Variants in PRMT3 observed in about 807,000 individuals in gnomAD.
PRMT3 encodes protein arginine N-methyltransferase 3.
Under a neutral mutation model 71.9 loss-of-function variants are expected in PRMT3, and 62 were observed. The observed-to-expected ratio is 0.86, with a 90% confidence interval of 0.70 to 1.07. The LOEUF (loss-of-function observed/expected upper bound fraction) is 1.07, where lower values mean the gene tolerates loss of function less well. Ranked by LOEUF, PRMT3 falls within the 50% of genes least tolerant of loss-of-function variation. The pLI, the probability that PRMT3 is intolerant of heterozygous loss-of-function variation, is 0.00. For missense variants in PRMT3, 663 were observed against 643.0 expected, an observed-to-expected ratio of 1.03 and a Z score of -0.34; for synonymous variants, 213 against 220.4, an observed-to-expected ratio of 0.97 and a Z score of 0.30.
At chr11:20,460,593 G>T (rs1052248094) in intron 11 of PRMT3, among the ~76,000 whole-genome samples, 1 of 151,896 alleles carries the variant, frequency 6.6e-6, no homozygotes, top group Admixed American at 6.6e-5. Context: ...TATGCCTATG[G>T]TCTCCAAATT....
At chr11:20,415,094 C>A (rs192054519) in intron 9 of PRMT3, among the ~76,000 whole-genome samples, 4 of 150,030 alleles carry the variant, frequency 2.7e-5, no homozygotes, top group Admixed American at 2.0e-4. Flanking sequence ...AGCAAAAATT[C>A]TTGACATAAG....
Position 20,389,744 on chromosome 11 carries a change from G to C in PRMT3, c.165G>C (p.Arg55Ser). The C allele has an allele frequency of 6.2e-7, 1 of 1,603,880 alleles. No homozygotes were observed. Among genetic ancestry groups the C allele is most frequent in the South Asian group, 1.1e-5 (1 of 90,572 alleles). The change falls in exon 3 of 16, where the codon AGG (arginine) becomes AGC (serine). Residue 55 changes from arginine to serine, a missense_variant and splice_region_variant. Transcript: ENST00000331079. ...ATGAAGCTATTGCTTGATTTTTCAG[G>C]TTATTCACATCTGCTGAAGAAACAT... ...KQQTPCLFCN[R>S]LFTSAEETFS...
intron 13 of PRMT3, among the ~76,000 whole-genome samples, chr11:20,481,447 T>TAC (rs1850930338): frequency 6.6e-6 from 1 of 152,100 alleles, no homozygotes. Context: ...TAAAAGTGTG[T>TAC]ATTTTTAATA....
At chr11:20,396,689 C>G (rs753559896) in intron 6 of PRMT3, among the ~76,000 whole-genome samples, 1 of 152,036 alleles carries the variant, frequency 6.6e-6, no homozygotes, top group Non-Finnish European at 1.5e-5. Context: ...AGTATGAACC[C>G]AGAAAACCAG....
intron 15 of PRMT3, among the ~76,000 whole-genome samples, chr11:20,502,671 C>G (rs1350729011): frequency 2.6e-5 from 4 of 152,132 alleles, no homozygotes; most frequent in Non-Finnish European, 5.9e-5. Flanking sequence ...TTTATAAGCA[C>G]TATGGAACAT....
chr11:20,492,872 C>T (rs1851240800), intron 13 of PRMT3, among the ~76,000 whole-genome samples: 1 of 152,220 alleles, frequency 6.6e-6, no homozygotes, highest in African/African-American at 2.4e-5. Context: ...GCCTGACCAA[C>T]ATGGTGAAAC....
intron 5 of PRMT3, among the ~76,000 whole-genome samples, chr11:20,395,535 T>C (rs1053413943): frequency 2.0e-5 from 3 of 151,156 alleles, no homozygotes; most frequent in African/African-American, 7.3e-5. Flanking sequence ...TTTTTTTTAG[T>C]AGAGATAAGG....
intron 13 of PRMT3, among the ~76,000 whole-genome samples, chr11:20,469,080 A>T (rs1850582891): frequency 6.6e-6 from 1 of 152,178 alleles, no homozygotes; most frequent in African/African-American, 2.4e-5. Flanking sequence ...AGCATTTCTT[A>T]CTTTAGGATA....
intron 9 of PRMT3, among the ~76,000 whole-genome samples, chr11:20,416,270 T>C (rs1024799460): frequency 9.9e-5 from 15 of 152,140 alleles, no homozygotes; most frequent in Admixed American, 1.3e-4. Context: ...GGGGAAGATA[T>C]GTTTGTCTTG....
chr11:20,439,420 C>T (rs368552787), intron 10 of PRMT3, among the ~76,000 whole-genome samples: 9 of 152,108 alleles, frequency 5.9e-5, no homozygotes, highest in Admixed American at 3.9e-4. Context: ...TGCTCACCAG[C>T]GTTTCTGTTA....
intron 2 of PRMT3, among the ~76,000 whole-genome samples, chr11:20,388,552 T>C (rs1028250390): frequency 1.3e-5 from 2 of 152,080 alleles, no homozygotes; most frequent in Admixed American, 1.3e-4. Context: ...TACTAACGAG[T>C]AACATATTTG....
In PRMT3 at chr11:20,408,050, C is replaced by A. The variant is rs1206089586; in HGVS notation, c.893+18C>A. ...ATTATAAGGTACATATATTTTAAGC[C>A]TTCATTTAAGATTATTTTAAAATTT... is the stretch of plus-strand genomic sequence containing the variant. On this transcript the variant is annotated intron_variant, in intron 9 of 15. Coordinates refer to ENST00000331079, the MANE Select transcript of PRMT3 (RefSeq NM_005788.4). The A allele has an allele frequency of 6.8e-7, 1 of 1,480,372 alleles. No individual in the cohort carries two copies. The highest frequency in any genetic ancestry group is 9.2e-7 in the Non-Finnish European group (1 of 1,091,678). 91.7% of individuals were successfully genotyped at this position (1,480,372 alleles called of 1,614,324 possible). A position where few individuals can be genotyped will look rare whatever the true frequency, so the allele number is the denominator to read the frequency against.
intron 10 of PRMT3, among the ~76,000 whole-genome samples, chr11:20,442,502 T>A (rs1849931363): frequency 6.6e-6 from 1 of 152,190 alleles, no homozygotes; most frequent in Admixed American, 6.5e-5. Flanking sequence ...AAATATTAGA[T>A]ATGTATATAT....
At position 20,462,160 on chromosome 11, in the gene PRMT3, G is replaced by T; in HGVS notation, c.1253G>T (p.Gly418Val). ...AAGACTCTTATTTCAGAACCTTGTG[G>T]TATTAAGGTAGGTGTTTTACCAACT... ...DPKTLISEPC[G>V]IKHIDCHTTS... The change falls in exon 12 of 16, where the codon GGT (glycine) becomes GTT (valine). Residue 418 changes from glycine to valine, a missense_variant. Coordinates refer to ENST00000331079, the MANE Select transcript of PRMT3 (RefSeq NM_005788.4). 2 of 1,592,500 alleles carry T rather than the reference G, an allele frequency of 1.3e-6. No homozygotes were observed. The highest frequency in any genetic ancestry group is 1.7e-6 in the Non-Finnish European group (2 of 1,165,776).
At chr11:20,405,227 C>T (rs767115181) in intron 8 of PRMT3, among the ~76,000 whole-genome samples, 1 of 152,038 alleles carries the variant, frequency 6.6e-6, no homozygotes, top group African/African-American at 2.4e-5. Context: ...GTCACCCACT[C>T]ATAATTAATT....
intron 13 of PRMT3, among the ~76,000 whole-genome samples, chr11:20,471,770 G>A (rs1321082251): frequency 6.6e-6 from 1 of 152,078 alleles, no homozygotes; most frequent in Non-Finnish European, 1.5e-5. Context: ...GAATAGCATT[G>A]AATCTATACA....
At chr11:20,455,780 C>T (rs1850255073) in intron 11 of PRMT3, among the ~76,000 whole-genome samples, 1 of 151,436 alleles carries the variant, frequency 6.6e-6, no homozygotes, top group Non-Finnish European at 1.5e-5. Flanking sequence ...ATAGGCCTGA[C>T]TATACATGGC....
intron 7 of PRMT3, among the ~76,000 whole-genome samples, chr11:20,402,243 C>G (rs1302268407): frequency 6.6e-6 from 1 of 152,048 alleles, no homozygotes; most frequent in Non-Finnish European, 1.5e-5. Flanking sequence ...CCTCAGCCTC[C>G]CCAGTAGCTA....
At chr11:20,428,843 T>C (rs1239865986) in intron 10 of PRMT3, among the ~76,000 whole-genome samples, 3 of 152,170 alleles carry the variant, frequency 2.0e-5, no homozygotes, top group Non-Finnish European at 4.4e-5. Context: ...TTATCTCTAG[T>C]GTGTTGCTGG....
Sources: allele counts gnomAD v4.1 joint callset (sites outside exome capture counted in the v4.1 genomes callset), GRCh38; gene constraint gnomAD v4.1.1; transcripts MANE v1.5; gene names NCBI Gene and HGNC (gene_info 2026-07-23, HGNC 2026-07-21).